The following MICAL2 variants were observed in gnomAD, a reference collection of about 807,000 sequenced individuals.
MICAL2 encodes the protein microtubule associated monooxygenase, calponin and LIM domain containing 2, also known as [F-actin]-monooxygenase MICAL2.
MICAL2 carries 77 observed loss-of-function variants against 127.3 expected under a neutral mutation model. The observed-to-expected ratio is 0.60, with a 90% CI of 0.50 to 0.73. MICAL2 has a LOEUF of 0.73. Among genes scored for constraint, MICAL2 ranks in the 30% least tolerant of loss-of-function variants. The pLI is 0.00. For synonymous variants in MICAL2, 570 were observed against 551.1 expected (o/e 1.03, Z -0.48); for missense variants, 1,351 against 1,434.4 (o/e 0.94, Z 0.94).
intron 29 of MICAL2, among the ~76,000 whole-genome samples, chr11:12,319,499 A>C (rs920338461): frequency 1.3e-5 from 2 of 151,302 alleles, no homozygotes; most frequent in Admixed American, 1.3e-4. Context: ...GCAGGGACCC[A>C]GAAATGTAAT....
At chr11:12,222,992 CA>C (rs1857001319) in intron 11 of MICAL2, among the ~76,000 whole-genome samples, 1 of 152,142 alleles carries the variant, frequency 6.6e-6, no homozygotes, top group South Asian at 2.1e-4. Flanking sequence ...TATATATTGT[CA>C]CTATGCATAT....
Position 12,260,933 on chromosome 11 carries a change from C to T in MICAL2, c.3334+1036C>T, listed in dbSNP as rs139741400. 4.0e-4 allele frequency: 398 copies of T among 985,484 alleles called. 1 individual carries two copies. The African/African-American group carries it at 6.6e-3, about 16-fold the overall frequency. 61.0% of individuals were successfully genotyped at this position (985,484 alleles called of 1,614,324 possible). On this transcript the variant is annotated intron_variant, in intron 26 of 27. Coordinates refer to ENST00000683283, the MANE Select transcript of MICAL2 (RefSeq NM_001282663.2). ...TTTCCCTTCCCACTAATGGGCACTG[C>T]AGGGAAAGCCCATTGGCATTTGACC...
intron 32 of MICAL2, among the ~76,000 whole-genome samples, chr11:12,333,600 A>G (rs1938689686): frequency 6.6e-6 from 1 of 152,204 alleles, no homozygotes. Context: ...TTGTTTCCAG[A>G]TGCTAGGATT....
chr11:12,182,718 G>C (rs2133959412), intron 3 of MICAL2, among the ~76,000 whole-genome samples: 1 of 152,230 alleles, frequency 6.6e-6, no homozygotes, highest in East Asian at 1.9e-4. Context: ...TCAATGGATG[G>C]CTAGTCTTCC....
At chr11:12,202,122 CAA>C (rs5789719) in intron 3 of MICAL2, among the ~76,000 whole-genome samples, 45 of 148,086 alleles carry the variant, frequency 3.0e-4, no homozygotes, top group Non-Finnish European at 2.9e-4. Context: ...AACTGTGTCT[CAA>C]AAAAAAAAAA....
chr11:12,349,105 T>C (rs1472818712), intron 32 of MICAL2, among the ~76,000 whole-genome samples: 1 of 152,228 alleles, frequency 6.6e-6, no homozygotes, highest in African/African-American at 2.4e-5. Context: ...GCTTGTGTTC[T>C]CCTTTCAGGG....
intron 20 of MICAL2, among the ~76,000 whole-genome samples, chr11:12,243,654 C>G (rs1398782643): frequency 6.6e-6 from 1 of 152,226 alleles, no homozygotes; most frequent in African/African-American, 2.4e-5. Context: ...CTCTCCTAAG[C>G]TCGCAGCTGC....
exon 30 of MICAL2, chr11:12,319,771 C>A (rs1425457021): frequency 1.2e-6 from 2 of 1,614,102 alleles, no homozygotes; most frequent in African/African-American, 1.3e-5. Context: ...TCCTCCTCTG[C>A]AGATGAAGAA....
At chr11:12,355,372 A>C (rs1041660008) in intron 34 of MICAL2, among the ~76,000 whole-genome samples, 1 of 152,200 alleles carries the variant, frequency 6.6e-6, no homozygotes, top group Non-Finnish European at 1.5e-5. Flanking sequence ...GGCATCACAC[A>C]TGAGAAAACG....
In MICAL2 at chr11:12,204,922, T is replaced by TAGTCA. The variant is rs138248227; in HGVS notation, c.472+468_472+472dup. The stretch of plus-strand genomic sequence containing the variant: ...CACACAAAACCATTAATGGGCCAGA[T>TAGTCA]AGTCAAGACCTTCCATACAAAGGAG... On this transcript the variant is annotated intron_variant, in intron 4 of 27. Coordinates refer to ENST00000683283, the MANE Select transcript of MICAL2 (RefSeq NM_001282663.2). Among the ~76,000 whole-genome samples, 420 of 152,270 alleles carry TAGTCA rather than the reference T, an allele frequency of 2.8e-3. 3 individuals carry two copies. Among genetic ancestry groups the TAGTCA allele is most frequent in the African/African-American group, 9.8e-3 (409 of 41,558 alleles).
rs1457350133 is a variant in MICAL2 at position 12,244,020 on chromosome 11, C to T, written c.2692C>T (p.His898Tyr). The change falls in exon 21 of 28, where the codon CAT becomes TAT. Residue 898 changes from histidine to tyrosine, a missense_variant. Coordinates refer to ENST00000683283, the MANE Select transcript of MICAL2 (RefSeq NM_001282663.2). ...KLLSKGLSHT[H>Y]PPSPPSRLPS... ...ACTCTCTAAAGGCCTGTCTCATACT[C>T]ATCCTCCATCTCCTCCCTCTCGCCT... 1.2e-6 allele frequency: 2 copies of T among 1,613,696 alleles called. No individual in the cohort carries two copies. Among genetic ancestry groups the T allele is most frequent in the African/African-American group, 1.3e-5 (1 of 74,928 alleles).
chr11:12,176,215 G>T (rs1856825107), intron 3 of MICAL2, among the ~76,000 whole-genome samples: 1 of 152,096 alleles, frequency 6.6e-6, no homozygotes, highest in African/African-American at 2.4e-5. Flanking sequence ...GGCAGACTTG[G>T]CCATTCTGAT....
chr11:12,213,699 A>G (rs1855803673), intron 7 of MICAL2, among the ~76,000 whole-genome samples: 2 of 152,192 alleles, frequency 1.3e-5, no homozygotes, highest in Admixed American at 1.3e-4. Context: ...GTGAAGGTTG[A>G]CACGATCCTT....
upstream of MICAL2, among the ~76,000 whole-genome samples, chr11:12,271,359 A>T (rs10765935): frequency 0.61 from 92,889 of 152,016 alleles, 29,140 homozygotes; most frequent in African/African-American, 0.67. Context: ...CCTCAGGGAG[A>T]CAGCAAGAGG....
chr11:12,293,742 C>G (rs1371426432), downstream of MICAL2: 2 of 1,614,044 alleles, frequency 1.2e-6, no homozygotes, highest in South Asian at 2.2e-5. Context: ...GATGGCCTCT[C>G]AGACCCTGCA....
rs776485198 is a variant in MICAL2, at chr11:12,213,391, G to C, written c.828G>C (p.Gln276His). Residue 276 changes from glutamine (Q) to histidine (H), a missense_variant, in exon 7 of 28, where the codon CAG becomes CAC. By Grantham distance (24) the Gln-to-His change is conservative. Coordinates refer to ENST00000683283, the MANE Select transcript of MICAL2 (RefSeq NM_001282663.2). ...VAFIFNQKFFQDLKEETGIDL... is the reference protein window; with the variant it reads ...VAFIFNQKFFHDLKEETGIDL... ...TCATCTTCAATCAGAAATTTTTTCA[G>C]GACCTTAAAGAAGAAACAGGTGGGA... 1 of 1,613,804 alleles carries C rather than the reference G, an allele frequency of 6.2e-7. No homozygotes were observed. Among genetic ancestry groups the C allele is most frequent in the Non-Finnish European group, 8.5e-7 (1 of 1,179,836 alleles).
chr11:12,216,657 C>T (rs1425580511), intron 8 of MICAL2, among the ~76,000 whole-genome samples: 1 of 152,118 alleles, frequency 6.6e-6, no homozygotes, highest in Admixed American at 6.5e-5. Context: ...ATGGGGGCTC[C>T]TTGTCCTAAT....
downstream of MICAL2, among the ~76,000 whole-genome samples, chr11:12,268,595 C>T (rs1297695543): frequency 6.6e-6 from 1 of 152,196 alleles, no homozygotes; most frequent in East Asian, 1.9e-4. Context: ...GCTTTGATCC[C>T]CTGAGCCCAG....
intron 3 of MICAL2, among the ~76,000 whole-genome samples, chr11:12,168,561 C>T (rs569249058): frequency 9.5e-4 from 144 of 151,816 alleles, no homozygotes; most frequent in African/African-American, 3.5e-3. Context: ...TACATAGACA[C>T]ATATATATTT....
Sources: gnomAD v4.1 joint callset for allele counts (sites outside exome capture counted in the v4.1 genomes callset) on GRCh38, gnomAD v4.1.1 for gene constraint, MANE v1.5 for transcripts, NCBI Gene and HGNC (gene_info 2026-07-23, HGNC 2026-07-21) for gene names.